Variants in STK3 observed in about 807,000 individuals in gnomAD.
STK3 encodes the protein serine/threonine-protein kinase 3.
STK3 carries 41 observed loss-of-function variants against 58.0 expected under a neutral mutation model. That is an observed-to-expected ratio of 0.71 (90% CI 0.55 to 0.92). The LOEUF (loss-of-function observed/expected upper bound fraction) is 0.92. STK3 is among the 40% of genes least tolerant of loss of function. The pLI is 0.00. For synonymous variants in STK3, 170 were observed against 191.0 expected (o/e 0.89, Z 0.91); for missense variants, 479 against 602.7 (o/e 0.79, Z 2.15).
chr8:98,431,853 A>G (rs762809733), intron 3 of STK3: 5 of 167,080 alleles, frequency 3.0e-5, no homozygotes, highest in Non-Finnish European at 7.3e-5. Context: ...TTGTACATAC[A>G]TATATACTTA....
chr8:98,722,681 T>A (rs1827518674), intron 4 of STK3: 1 of 156,558 alleles, frequency 6.4e-6, no homozygotes, highest in East Asian at 1.9e-4. Flanking sequence ...AGTAGCTAGA[T>A]TTTTATTTGG....
intron 6 of STK3, among the ~76,000 whole-genome samples, chr8:98,652,979 G>A (rs551165911): frequency 6.6e-6 from 1 of 152,238 alleles, no homozygotes; most frequent in East Asian, 1.9e-4. Flanking sequence ...GCACCAAGCG[G>A]AACTAATAGA....
intron 3 of STK3, among the ~76,000 whole-genome samples, chr8:98,408,065 C>G (rs1818017096): frequency 1.3e-5 from 2 of 152,200 alleles, no homozygotes; most frequent in Admixed American, 1.3e-4. Flanking sequence ...GAACTCACCA[C>G]TGGCAGGGCA....
chr8:98,380,134 C>T (rs900440570), intron 1 of STK3, among the ~76,000 whole-genome samples: 4 of 152,058 alleles, frequency 2.6e-5, no homozygotes, highest in South Asian at 2.1e-4. Context: ...TTACCTGAAG[C>T]TGGGTAGGGT....
chr8:98,677,751 C>T (rs1485734536), intron 6 of STK3, among the ~76,000 whole-genome samples: 1 of 152,122 alleles, frequency 6.6e-6, no homozygotes, highest in East Asian at 1.9e-4. Context: ...TGTCATTCTG[C>T]CTTCACCCTT....
intron 6 of STK3, among the ~76,000 whole-genome samples, chr8:98,698,471 C>T (rs541762682): frequency 2.6e-5 from 4 of 152,128 alleles, no homozygotes; most frequent in Non-Finnish European, 5.9e-5. Flanking sequence ...ATGGTCTTTA[C>T]AATTTGGCAT....
At chr8:98,665,644 C>T (rs1161661161) in intron 6 of STK3, among the ~76,000 whole-genome samples, 1 of 152,062 alleles carries the variant, frequency 6.6e-6, no homozygotes, top group Non-Finnish European at 1.5e-5. Context: ...ATCCTCCTAC[C>T]TCAGCCTCCC....
At chr8:98,480,985 G>GA (rs1229124679) in intron 10 of STK3, among the ~76,000 whole-genome samples, 3 of 151,990 alleles carry the variant, frequency 2.0e-5, no homozygotes, top group East Asian at 1.9e-4. Context: ...TTTTTATACT[G>GA]AAAAAAGAGA....
chr8:98,623,188 AAG>A (rs908777470), intron 6 of STK3, among the ~76,000 whole-genome samples: 16 of 152,074 alleles, frequency 1.1e-4, no homozygotes, highest in African/African-American at 3.6e-4. Context: ...GGAGGAGAAA[AAG>A]AAACGAAGAA....
At chr8:98,386,116 T>C (rs1817789299) in intron 1 of STK3, among the ~76,000 whole-genome samples, 1 of 152,154 alleles carries the variant, frequency 6.6e-6, no homozygotes, top group South Asian at 2.1e-4. Flanking sequence ...TATATTGCAA[T>C]TGGAAATGGA....
At chr8:98,694,255 A>G (rs1824655726) in intron 6 of STK3, among the ~76,000 whole-genome samples, 1 of 152,236 alleles carries the variant, frequency 6.6e-6, no homozygotes, top group Admixed American at 6.5e-5. Flanking sequence ...TTCATCAAAA[A>G]TGACTCCTTA....
chr8:98,495,738 A>ATATGTAATAT (rs1823082205), intron 10 of STK3, among the ~76,000 whole-genome samples: 1 of 152,228 alleles, frequency 6.6e-6, no homozygotes, highest in Non-Finnish European at 1.5e-5. Context: ...CTTTTATAGC[A>ATATGTAATAT]ACAGATTTAC....
chr8:98,511,179 TTAAA>T (rs1824485416), intron 10 of STK3, among the ~76,000 whole-genome samples: 1 of 152,026 alleles, frequency 6.6e-6, no homozygotes, highest in Non-Finnish European at 1.5e-5. Context: ...GTGGTTCTTA[TTAAA>T]TAAATGAATA....
At chr8:98,653,899 G>A (rs1200646235) in intron 6 of STK3, among the ~76,000 whole-genome samples, 1 of 152,172 alleles carries the variant, frequency 6.6e-6, no homozygotes, top group Non-Finnish European at 1.5e-5. Context: ...AATTCTACCA[G>A]AGGTACAAGG....
chr8:98,368,650 C>T (rs187378150), downstream of STK3, among the ~76,000 whole-genome samples: 4 of 152,216 alleles, frequency 2.6e-5, no homozygotes, highest in African/African-American at 7.2e-5. Context: ...TTCACAAAAG[C>T]GTGTCAGAAT....
At position 98,464,578 on chromosome 8, in the gene STK3, A is replaced by AAAG. The variant is rs1341421424; in HGVS notation, c.1318-8579_1318-8578insCTT. Among the ~76,000 whole-genome samples, 7 of 150,312 alleles carry AAAG rather than the reference A, an allele frequency of 4.7e-5. No homozygotes were observed. In the East Asian group the frequency reaches 1.4e-3, roughly 29 times the overall value. On this transcript the variant is annotated intron_variant, in intron 10 of 10. Coordinates refer to ENST00000419617, the MANE Select transcript of STK3 (RefSeq NM_006281.4). ...AAAAAAAAAAAAGAAAGAAAGAAAG[A>AAAG]AAAAAAAAGAAAAGAAAACATTCAT... is the stretch of plus-strand genomic sequence containing the variant.
intron 3 of STK3, among the ~76,000 whole-genome samples, chr8:98,861,265 A>G (rs1184693572): frequency 6.8e-6 from 1 of 147,376 alleles, no homozygotes; most frequent in Non-Finnish European, 1.5e-5. Flanking sequence ...CTCAGGACTC[A>G]CTCTGGGGAG....
intron 6 of STK3, among the ~76,000 whole-genome samples, chr8:98,606,735 AG>A (rs1816802146): frequency 6.6e-6 from 1 of 152,180 alleles, no homozygotes; most frequent in African/African-American, 2.4e-5. Flanking sequence ...ATTCTACAAA[AG>A]GAAGTCACAC....
chr8:98,598,845 G>A (rs1816062316), intron 6 of STK3: 1 of 985,274 alleles, frequency 1.0e-6, no homozygotes, highest in African/African-American at 1.7e-5. Context: ...CCAAACCTCT[G>A]ATTATGTTTC....
Sources: allele counts gnomAD v4.1 joint callset (sites outside exome capture counted in the v4.1 genomes callset), GRCh38; gene constraint gnomAD v4.1.1; transcripts MANE v1.5; gene names NCBI Gene and HGNC (gene_info 2026-07-23, HGNC 2026-07-21).